The following HELZ variants were observed in gnomAD, a reference collection of about 807,000 sequenced individuals.
HELZ encodes the protein helicase with zinc finger.
Under a neutral mutation model 218.2 loss-of-function variants are expected in HELZ, and 23 were observed. The observed-to-expected ratio is 0.11, with a 90% CI of 0.08 to 0.15. The LOEUF (loss-of-function observed/expected upper bound fraction) is 0.15, where lower values mean the gene tolerates loss of function less well. Ranked by LOEUF, HELZ falls within the 10% of genes least tolerant of loss-of-function variation. The probability of loss-of-function intolerance (pLI) is 1.00; values close to 1 mark genes in which losing one functional copy is unlikely to be tolerated. For missense variants in HELZ, 1,813 were observed against 2,353.7 expected, an observed-to-expected ratio of 0.77 and a Z score of 4.75; for synonymous variants, 814 against 829.4, an observed-to-expected ratio of 0.98 and a Z score of 0.32.
At chr17:67,201,855 C>T (rs2143106673) in intron 6 of HELZ, among the ~76,000 whole-genome samples, 1 of 152,206 alleles carries the variant, frequency 6.6e-6, no homozygotes, top group Admixed American at 6.5e-5. Context: ...TATGCTAATA[C>T]ATTTTAGCTT....
At position 67,086,168 on chromosome 17, in the gene HELZ, A is replaced by G. The variant is rs541515524; in HGVS notation, c.5494+661T>C. Among the ~76,000 whole-genome samples the G allele has an allele frequency of 5.9e-5, 9 of 152,236 alleles. No homozygotes were observed. The East Asian group carries it at 1.7e-3, about 29-fold the overall frequency. Reference sequence around the variant, plus strand: ...AAAAAAACCAAAAAGCAGAAAACAAACTTTTCCCAAACAAAGGTGATTCTA... The same window carrying G: ...AAAAAAACCAAAAAGCAGAAAACAAGCTTTTCCCAAACAAAGGTGATTCTA... On this transcript the variant is annotated intron_variant, in intron 32 of 32. Transcript: ENST00000358691.
rs1363039067 is a variant in HELZ at position 67,201,427 on chromosome 17, CTTACATTAATTAAAA to C, written c.373-257_373-243del. ...TGGTAAGTAAAACCACTGTATTCAC[CTTACATTAATTAAAA>C]TTAACTCAAGAAAATATTAACAACA... is the stretch of plus-strand genomic sequence containing the variant. On this transcript the variant is annotated intron_variant, in intron 6 of 32. Transcript: ENST00000358691. 5.9e-5 allele frequency among the ~76,000 whole-genome samples: 9 copies of C among 152,232 alleles called. No individual in the cohort carries two copies. In the South Asian group the frequency reaches 1.7e-3, roughly 28 times the overall value.
intron 31 of HELZ, among the ~76,000 whole-genome samples, chr17:67,095,965 T>C (rs920779846): frequency 1.3e-5 from 2 of 152,192 alleles, no homozygotes; most frequent in Non-Finnish European, 2.9e-5. Context: ...ATTTCTTAAA[T>C]AAGACTTGAA....
intron 2 of HELZ, among the ~76,000 whole-genome samples, chr17:67,240,845 G>A (rs1249167086): frequency 1.3e-5 from 2 of 152,174 alleles, no homozygotes; most frequent in Non-Finnish European, 2.9e-5. Flanking sequence ...ATGACTGTTG[G>A]TATTAGTTGA....
At chr17:67,085,466 C>A (rs892165361) in intron 32 of HELZ, among the ~76,000 whole-genome samples, 2 of 151,936 alleles carry the variant, frequency 1.3e-5, no homozygotes, top group African/African-American at 2.4e-5. Context: ...CAAAATACAG[C>A]GGTTTACTCC....
intron 3 of HELZ, among the ~76,000 whole-genome samples, chr17:67,226,602 AAT>A (rs1194082069): frequency 6.6e-6 from 1 of 152,200 alleles, no homozygotes; most frequent in Non-Finnish European, 1.5e-5. Flanking sequence ...TATAAAATCA[AAT>A]ACACACACTA....
intron 20 of HELZ, among the ~76,000 whole-genome samples, chr17:67,148,294 C>T (rs1047916175): frequency 1.2e-4 from 18 of 152,256 alleles, no homozygotes; most frequent in African/African-American, 4.3e-4. Flanking sequence ...TCCCTACATT[C>T]GATCATACAA....
At chr17:67,189,402 G>A (rs1213190975) in intron 11 of HELZ, among the ~76,000 whole-genome samples, 187 bp downstream of exon 11, 1 of 152,052 alleles carries the variant, frequency 6.6e-6, no homozygotes, top group Non-Finnish European at 1.5e-5. Flanking sequence ...TCATCTAAAA[G>A]TATTTTTAAA....
At chr17:67,149,148 T>C (rs2038598693) in intron 19 of HELZ, among the ~76,000 whole-genome samples, 1 of 152,210 alleles carries the variant, frequency 6.6e-6, no homozygotes, top group Non-Finnish European at 1.5e-5. Context: ...ACAACCCTCT[T>C]GATCTTATGA....
rs965755212 is a variant in HELZ, at chr17:67,104,949, T to C, written c.5241+2220A>G. ...GCCTGGCCAATATCGTGAAACCCCG[T>C]CTCTACTAAAAATACAACAACAACA... On this transcript the variant is annotated intron_variant, in intron 31 of 32. Coordinates refer to ENST00000358691, the MANE Select transcript of HELZ (RefSeq NM_014877.4). Among the ~76,000 whole-genome samples the C allele has an allele frequency of 2.0e-5, 3 of 151,974 alleles. No individual in the cohort carries two copies. The East Asian group carries it at 5.8e-4, about 29-fold the overall frequency.
At chr17:67,138,665 T>A (rs1003142287) in intron 21 of HELZ, among the ~76,000 whole-genome samples, 4 of 152,160 alleles carry the variant, frequency 2.6e-5, no homozygotes, top group Admixed American at 2.6e-4. Flanking sequence ...TAGGCCACAT[T>A]TGGATCACAG....
intron 3 of HELZ, among the ~76,000 whole-genome samples, chr17:67,239,045 C>G (rs921795571): frequency 1.3e-5 from 2 of 152,150 alleles, no homozygotes; most frequent in African/African-American, 4.8e-5. Flanking sequence ...TAGCAGATAA[C>G]AGGAAAAACA....
In HELZ at chr17:67,136,141, TGTTTAC is replaced by T; in HGVS notation, c.3005_3010del (p.Cys1002_His1004delinsTyr). 1 of 1,614,068 alleles carries T rather than the reference TGTTTAC, an allele frequency of 6.2e-7. No homozygotes were observed. The highest frequency in any genetic ancestry group is 8.5e-7 in the Non-Finnish European group (1 of 1,179,942). On this transcript the variant is annotated inframe_deletion, in exon 23 of 33. Coordinates refer to ENST00000358691, the MANE Select transcript of HELZ (RefSeq NM_014877.4). ...TTTCTTTTTAATTGGTGTCTGTTTATGTTTACAAGTATGTCTTGTACGTACTGTGCT... is the reference window on the plus strand; with the variant it reads ...TTTCTTTTTAATTGGTGTCTGTTTATAAGTATGTCTTGTACGTACTGTGCT...
intron 31 of HELZ, among the ~76,000 whole-genome samples, chr17:67,103,784 T>G (rs1028077056): frequency 6.6e-6 from 1 of 152,146 alleles, no homozygotes; most frequent in African/African-American, 2.4e-5. Context: ...GAACCCAGAA[T>G]AGCCAAAACA....
chr17:67,109,012 A>T, intron 29 of HELZ, 104 bp downstream of exon 29: 1 of 978,530 alleles, frequency 1.0e-6, no homozygotes, highest in Non-Finnish European at 1.5e-6. Context: ...TTTTGCTAGC[A>T]TTATTTGAAG....
At chr17:67,211,663 C>A (rs2040454277) in intron 5 of HELZ, among the ~76,000 whole-genome samples, 1 of 152,120 alleles carries the variant, frequency 6.6e-6, no homozygotes, top group African/African-American at 2.4e-5. Context: ...GAGTTTGAGA[C>A]CAGCCTGGCC....
At chr17:67,081,154 C>T (rs2036177279) in intron 32 of HELZ, among the ~76,000 whole-genome samples, 1 of 152,202 alleles carries the variant, frequency 6.6e-6, no homozygotes, top group Admixed American at 6.5e-5. Context: ...CAAAGACAAT[C>T]CTTCAGAGGA....
chr17:67,118,122 T>C (rs758553638), intron 27 of HELZ, among the ~76,000 whole-genome samples: 8 of 152,334 alleles, frequency 5.3e-5, no homozygotes, highest in Non-Finnish European at 1.0e-4. Context: ...ACTACCTGAC[T>C]TAAAGACTTT....
At chr17:67,221,758 A>G (rs2040749935) in intron 3 of HELZ, among the ~76,000 whole-genome samples, 1 of 152,142 alleles carries the variant, frequency 6.6e-6, no homozygotes, top group Non-Finnish European at 1.5e-5. Context: ...AGTGCTCAAT[A>G]AGTGTTAGCT....
Sources: gnomAD v4.1 joint callset for allele counts (sites outside exome capture counted in the v4.1 genomes callset) on GRCh38, gnomAD v4.1.1 for gene constraint, MANE v1.5 for transcripts, NCBI Gene and HGNC (gene_info 2026-07-23, HGNC 2026-07-21) for gene names.